Variants in UNC5B observed in about 807,000 individuals in gnomAD.
UNC5B encodes netrin receptor UNC5B.
Under a neutral mutation model 103.7 loss-of-function variants are expected in UNC5B, and 56 were observed. That is an observed-to-expected ratio of 0.54 (90% CI 0.44 to 0.67). UNC5B has a LOEUF of 0.67. UNC5B is among the 30% of genes least tolerant of loss of function. UNC5B has a pLI of 0.00. For missense variants in UNC5B, 1,194 were observed against 1,284.5 expected (o/e 0.93, Z 1.08); for synonymous variants, 577 against 542.0 (o/e 1.06, Z -0.90).
chr10:71,275,865 G>A (rs2132294899), intron 1 of UNC5B, among the ~76,000 whole-genome samples: 1 of 151,854 alleles, frequency 6.6e-6, no homozygotes, highest in Non-Finnish European at 1.5e-5. Context: ...CTCAGTTTCA[G>A]CATCATATCA....
chr10:71,288,251 C>T (rs1017674724), intron 6 of UNC5B, among the ~76,000 whole-genome samples: 3 of 152,194 alleles, frequency 2.0e-5, no homozygotes, highest in African/African-American at 7.2e-5. Flanking sequence ...ATGTTTGTGC[C>T]TACGCTGTTT....
At chr10:71,229,443 G>A (rs1011594010) in intron 1 of UNC5B, among the ~76,000 whole-genome samples, 1 of 152,212 alleles carries the variant, frequency 6.6e-6, no homozygotes, top group Non-Finnish European at 1.5e-5. Flanking sequence ...ACCCTTGACA[G>A]TGTCCTCCTC....
At position 71,290,971 on chromosome 10, in the gene UNC5B, G is replaced by C; in HGVS notation, c.1156G>C (p.Val386Leu). 1 of 1,614,058 alleles carries C rather than the reference G, an allele frequency of 6.2e-7. No homozygotes were observed. Among genetic ancestry groups the C allele is most frequent in the Non-Finnish European group, 8.5e-7 (1 of 1,180,024 alleles). Residue 386 changes from valine (V) to leucine (L), a missense_variant, in exon 9 of 17, where the codon GTG becomes CTG. Transcript: ENST00000335350. ...LYAGLVVAIF[V>L]VVAILMAVGV... ...TGCGGGGCTCGTGGTGGCCATCTTC[G>C]TGGTCGTGGCAATCCTCATGGCGGT...
chr10:71,279,401 G>A (rs1048927325), intron 1 of UNC5B, among the ~76,000 whole-genome samples: 5 of 152,212 alleles, frequency 3.3e-5, no homozygotes, highest in East Asian at 1.9e-4. Context: ...CTCCAGCCCC[G>A]TTTCCAGCCC....
intron 1 of UNC5B, among the ~76,000 whole-genome samples, chr10:71,223,326 G>A (rs756694957): frequency 2.0e-5 from 3 of 152,204 alleles, no homozygotes; most frequent in Non-Finnish European, 4.4e-5. Context: ...AAGTAGCTGT[G>A]ATTTTGTCCC....
intron 1 of UNC5B, among the ~76,000 whole-genome samples, chr10:71,246,432 G>A (rs1844039775): frequency 6.6e-6 from 1 of 152,080 alleles, no homozygotes; most frequent in South Asian, 2.1e-4. Flanking sequence ...GAGGGAGGTG[G>A]GGCTGAATCA....
chr10:71,236,241 C>A, intron 1 of UNC5B, among the ~76,000 whole-genome samples: 1 of 152,242 alleles, frequency 6.6e-6, no homozygotes, highest in Non-Finnish European at 1.5e-5. Context: ...AGACTAGGGA[C>A]CTCAGGACTG....
In UNC5B at chr10:71,299,262, C is replaced by T. The variant is rs368414601; in HGVS notation, c.2823C>T (p.Thr941=). ...GTGAGATGCTGGTGGCTGTGGCCAC[C>T]GACGGGGACTGCTGAGCCTCCTGGG... The part of the protein sequence containing the change: ...GKSEMLVAVA[T]DGDC The change falls in exon 17 of 17, where the codon ACC becomes ACT. Residue 941 remains threonine (T), a synonymous_variant. Coordinates refer to ENST00000335350, the MANE Select transcript of UNC5B (RefSeq NM_170744.5). The T allele has an allele frequency of 2.4e-5, 39 of 1,614,006 alleles. 1 individual carries two copies. The highest frequency in any genetic ancestry group is 8.3e-5 in the Admixed American group (5 of 60,024).
chr10:71,256,128 A>G (rs190467743), intron 1 of UNC5B, among the ~76,000 whole-genome samples: 322 of 152,266 alleles, frequency 2.1e-3, no homozygotes, highest in Non-Finnish European at 3.9e-3. Flanking sequence ...CAAGGTCCCT[A>G]CCATAGCCCC....
intron 10 of UNC5B, among the ~76,000 whole-genome samples, chr10:71,292,044 A>C (rs1008645672): frequency 6.6e-6 from 1 of 152,246 alleles, no homozygotes; most frequent in Non-Finnish European, 1.5e-5. Context: ...ACCTTGGGCC[A>C]GCCATCTTCT....
At chr10:71,222,459 A>C (rs1020726348) in intron 1 of UNC5B, among the ~76,000 whole-genome samples, 20 of 152,194 alleles carry the variant, frequency 1.3e-4, no homozygotes, top group Admixed American at 6.5e-5. Context: ...ACACATATAC[A>C]GTCTTGGCAG....
At chr10:71,276,653 C>T (rs1435644899) in intron 1 of UNC5B, among the ~76,000 whole-genome samples, 2 of 152,186 alleles carry the variant, frequency 1.3e-5, no homozygotes, top group African/African-American at 4.8e-5. Context: ...TGGCTGGTCT[C>T]GAGCTCCTGA....
chr10:71,225,138 G>A (rs1476138489), intron 1 of UNC5B, among the ~76,000 whole-genome samples: 3 of 152,182 alleles, frequency 2.0e-5, no homozygotes, highest in Non-Finnish European at 2.9e-5. Context: ...TGTGTGATAC[G>A]CAAATCTCAC....
chr10:71,279,577 T>C (rs1173188118), intron 1 of UNC5B, among the ~76,000 whole-genome samples: 1 of 152,178 alleles, frequency 6.6e-6, no homozygotes, highest in Non-Finnish European at 1.5e-5. Context: ...TCACACAGCA[T>C]TGCAGAGTGG....
chr10:71,233,368 C>T (rs1047516187), intron 1 of UNC5B, among the ~76,000 whole-genome samples: 3 of 152,162 alleles, frequency 2.0e-5, no homozygotes, highest in African/African-American at 7.2e-5. Flanking sequence ...AAATATTGAG[C>T]CAACCAATGC....
At chr10:71,291,850 C>G (rs1371591398) in intron 10 of UNC5B, 29 bp downstream of exon 10, 1 of 1,562,346 alleles carries the variant, frequency 6.4e-7, no homozygotes, top group Admixed American at 1.7e-5. Context: ...TGTGCGTCAG[C>G]CTGGCCTTAG....
intron 9 of UNC5B, 151 bp downstream of exon 9, chr10:71,291,260 G>A: frequency 7.5e-7 from 1 of 1,330,258 alleles, no homozygotes; most frequent in Non-Finnish European, 1.0e-6. Flanking sequence ...GTATGGATTA[G>A]AGAACTACCG....
chr10:71,277,037 C>T (rs547731884), intron 1 of UNC5B, among the ~76,000 whole-genome samples: 101 of 152,326 alleles, frequency 6.6e-4, no homozygotes, highest in African/African-American at 2.3e-3. Flanking sequence ...AAGAGTAGGG[C>T]GGTGGGGCTG....
chr10:71,294,010 C>A, intron 13 of UNC5B, 77 bp downstream of exon 13: 1 of 1,333,470 alleles, frequency 7.5e-7, no homozygotes, highest in Non-Finnish European at 1.0e-6. Context: ...CCACCCCAGG[C>A]TCATGGGTCC....
Sources: allele counts gnomAD v4.1 joint callset (sites outside exome capture counted in the v4.1 genomes callset), GRCh38; gene constraint gnomAD v4.1.1; transcripts MANE v1.5; gene names NCBI Gene and HGNC (gene_info 2026-07-23, HGNC 2026-07-21).